CDH1: variants seen among roughly 807,000 people sequenced by gnomAD.
The protein encoded by CDH1 is cadherin-1.
CDH1 carries 35 observed loss-of-function variants against 84.5 expected under a neutral mutation model. That is an observed-to-expected ratio of 0.41 (90% CI 0.32 to 0.55). The LOEUF (loss-of-function observed/expected upper bound fraction) is 0.55. CDH1 is among the 20% of genes least tolerant of loss of function. CDH1 has a pLI of 0.19. For missense variants in CDH1, 994 were observed against 1,126.6 expected, an observed-to-expected ratio of 0.88 and a Z score of 1.68; for synonymous variants, 417 against 439.0, an observed-to-expected ratio of 0.95 and a Z score of 0.63.
rs3074434 is a variant in CDH1, at chr16:68,786,534, C to CTTTTTTTTTTTTTTTTTTT, written c.164-15135_164-15117dup. 6.8e-4 allele frequency among the ~76,000 whole-genome samples: 50 copies of CTTTTTTTTTTTTTTTTTTT among 73,938 alleles called. 1 individual carries two copies. The highest frequency in any genetic ancestry group is 1.1e-3 in the African/African-American group (19 of 16,948). The allele number at this position is 73,938 out of a possible 152,430, so 48.5% of individuals were successfully genotyped here. On this transcript the variant is annotated intron_variant, in intron 2 of 15. Coordinates refer to ENST00000261769, the MANE Select transcript of CDH1 (RefSeq NM_004360.5). ...CTTTCTGCTTTCTTTTTTTTTTTTT[C>CTTTTTTTTTTTTTTTTTTT]TTTTTTTTTTTTTTTTTTTGGTATT...
intron 2 of CDH1, among the ~76,000 whole-genome samples, chr16:68,780,512 C>A (rs1402766558): frequency 6.6e-6 from 1 of 152,082 alleles, no homozygotes; most frequent in African/African-American, 2.4e-5. Context: ...CCATGTTGGC[C>A]AGGCTGATTT....
chr16:68,741,093 TG>T (rs778243375), intron 2 of CDH1, among the ~76,000 whole-genome samples: 1 of 151,722 alleles, frequency 6.6e-6, no homozygotes, highest in Non-Finnish European at 1.5e-5. Flanking sequence ...CGGGGGACCC[TG>T]GGACTGGTGA....
chr16:68,762,868 G>T (rs1274124228), intron 2 of CDH1, among the ~76,000 whole-genome samples: 1 of 128,274 alleles, frequency 7.8e-6, no homozygotes, highest in African/African-American at 3.0e-5. Context: ...CCAAGAGTGA[G>T]CACCACTGCA....
intron 2 of CDH1, among the ~76,000 whole-genome samples, chr16:68,792,859 A>C (rs1301848047): frequency 6.6e-6 from 1 of 152,196 alleles, no homozygotes; most frequent in East Asian, 1.9e-4. Context: ...ATGGGGACAG[A>C]AGCCAAGGGG....
At chr16:68,810,176 A>G (rs1014221041) in intron 5 of CDH1, 21 bp from the exon 6 acceptor site, 4 of 1,613,796 alleles carry the variant, frequency 2.5e-6, no homozygotes, top group Non-Finnish European at 3.4e-6. Context: ...AGCTCAAGTC[A>G]CCCTCACTTG....
chr16:68,770,766 G>A (rs570664276), intron 2 of CDH1, among the ~76,000 whole-genome samples: 2 of 151,770 alleles, frequency 1.3e-5, no homozygotes, highest in South Asian at 4.2e-4. Context: ...GAGACAGGAA[G>A]GAGCGCAGTG....
rs2152132607 is a variant in CDH1 at position 68,812,194 on chromosome 16, C to T, written c.1068C>T (p.Ser356=). 1.2e-6 allele frequency: 2 copies of T among 1,614,124 alleles called. No homozygotes were observed. Among genetic ancestry groups the T allele is most frequent in the Non-Finnish European group, 1.7e-6 (2 of 1,179,978 alleles). ...QAADLQGEGL[S]TTATAVITVT... ...CTGACCTTCAAGGTGAGGGGTTAAG[C>T]ACAACAGCAACAGCTGTGATCACAG... The change falls in exon 8 of 16, where the codon AGC becomes AGT. Residue 356 remains serine (S), a synonymous_variant. Coordinates refer to ENST00000261769, the MANE Select transcript of CDH1 (RefSeq NM_004360.5).
At chr16:68,792,119 C>T (rs947315620) in intron 2 of CDH1, among the ~76,000 whole-genome samples, 1 of 151,980 alleles carries the variant, frequency 6.6e-6, no homozygotes, top group South Asian at 2.1e-4. Context: ...TTGGGTTTCA[C>T]CATGTTGGTC....
At position 68,819,283 on chromosome 16, in the gene CDH1, T is replaced by G. The variant is rs876659716; in HGVS notation, c.1569T>G (p.Tyr523Ter). 6.2e-7 allele frequency: 1 copy of G among 1,614,206 alleles called. No homozygotes were observed. The highest frequency in any genetic ancestry group is 1.3e-5 in the African/African-American group (1 of 75,062). ...GCCAGAGCTTGTCCCCGTTCAGATA[T>G]CGGATTTGGAGAGACACTGCCAACT... The part of the protein sequence containing the change: ...PDTFMEQKIT[Y>*]RIWRDTANWL... Residue 523 changes from tyrosine to a stop codon, truncating the protein, a stop_gained, in exon 11 of 16, where the codon TAT becomes TAG. Coordinates refer to ENST00000261769, the MANE Select transcript of CDH1 (RefSeq NM_004360.5). LOFTEE classifies it high-confidence loss of function.
intron 10 of CDH1, among the ~76,000 whole-genome samples, chr16:68,816,217 C>G (rs1044576579): frequency 6.6e-6 from 1 of 152,156 alleles, no homozygotes; most frequent in Non-Finnish European, 1.5e-5. Flanking sequence ...AAGGCTTCAC[C>G]ACATTGGCCA....
Position 68,737,568 on chromosome 16 carries a change from A to G in CDH1, c.48+105A>G, listed in dbSNP as rs62057828. On this transcript the variant is annotated intron_variant, in intron 1 of 15. Transcript: ENST00000261769. ...CGTCGTCACCGCTTCCCTTCTTCCA[A>G]GAAAGTTCGGGTCCTGAGGAGCGGA... 5,169 of 1,058,352 alleles carry G rather than the reference A, an allele frequency of 4.9e-3. 26 individuals carry two copies. Among genetic ancestry groups the G allele is most frequent in the Non-Finnish European group, 5.9e-3 (4,249 of 717,842 alleles). The allele number at this position is 1,058,352 out of a possible 1,614,324, so 65.6% of individuals were successfully genotyped here. A position where few individuals can be genotyped will look rare whatever the true frequency, so the allele number is the denominator to read the frequency against.
chr16:68,780,232 T>C (rs571801133), intron 2 of CDH1, among the ~76,000 whole-genome samples: 1 of 152,114 alleles, frequency 6.6e-6, no homozygotes, highest in African/African-American at 2.4e-5. Context: ...TTCATTGCCT[T>C]TGACATGGCA....
chr16:68,816,253 A>G (rs1279364328), intron 10 of CDH1, among the ~76,000 whole-genome samples: 2 of 152,174 alleles, frequency 1.3e-5, no homozygotes, highest in Admixed American at 1.3e-4. Flanking sequence ...TCTGACCTCA[A>G]GTGATCTGCC....
intron 13 of CDH1, among the ~76,000 whole-genome samples, chr16:68,826,069 C>G (rs1293038638): frequency 6.6e-6 from 1 of 152,118 alleles, no homozygotes; most frequent in African/African-American, 2.4e-5. Flanking sequence ...GTCCTCCCAC[C>G]TTGGCCTTCC....
At position 68,823,535 on chromosome 16, in the gene CDH1, C is replaced by T. The variant is rs536104508; in HGVS notation, c.2073C>T (p.Ala691=). Residue 691 remains alanine, a synonymous_variant, in exon 13 of 16, where the codon GCC becomes GCT. Transcript: ENST00000261769. ...TCAGCGTGTGTGACTGTGAAGGGGC[C>T]GCTGGCGTCTGTAGGAAGGCACAGC... ...LEVSVCDCEG[A]AGVCRKAQPV... is the part of the protein sequence containing the mutation. The T allele has an allele frequency of 8.7e-6, 14 of 1,613,916 alleles. No individual in the cohort carries two copies. The highest frequency in any genetic ancestry group is 6.7e-5 in the East Asian group (3 of 44,882).
At chr16:68,825,075 C>T (rs556309341) in intron 13 of CDH1, among the ~76,000 whole-genome samples, 154 of 150,408 alleles carry the variant, frequency 1.0e-3, no homozygotes, top group African/African-American at 3.6e-3. Context: ...GCAAGACTGT[C>T]TCTACAAAAT....
rs140096520 is a variant in CDH1 at position 68,780,566 on chromosome 16, C to T, written c.164-21104C>T. ...CGACCTCCCAAAGTGCTTGGGATTACGGGCTTCGGCCACCATGCCCAGCAC... is the reference window on the plus strand; with the variant it reads ...CGACCTCCCAAAGTGCTTGGGATTATGGGCTTCGGCCACCATGCCCAGCAC... On this transcript the variant is annotated intron_variant, in intron 2 of 15. Coordinates refer to ENST00000261769, the MANE Select transcript of CDH1 (RefSeq NM_004360.5). 1.6e-3 allele frequency among the ~76,000 whole-genome samples: 245 copies of T among 152,290 alleles called. 4 individuals are homozygous for T. The highest frequency in any genetic ancestry group is 6.6e-4 in the Non-Finnish European group (45 of 68,032).
At position 68,834,302 on chromosome 16, in the gene CDH1, C is replaced by A. The variant is rs1292906061; in HGVS notation, c.*803C>A. ...TTTAAGAGACAGTTTCGCTCCATCG[C>A]CCAGGCCTGGGATGCAGTGATGTGA... On this transcript the variant is annotated 3_prime_UTR_variant, in exon 16 of 16. Transcript: ENST00000261769. The A allele has an allele frequency of 3.9e-6, 2 of 510,998 alleles. No homozygotes were observed. Among genetic ancestry groups the A allele is most frequent in the South Asian group, 1.5e-5 (1 of 64,754 alleles). The allele number at this position is 510,998 out of a possible 1,614,324, so 31.7% of individuals were successfully genotyped here.
chr16:68,774,331 C>A (rs1323929748), intron 2 of CDH1, among the ~76,000 whole-genome samples: 1 of 152,188 alleles, frequency 6.6e-6, no homozygotes, highest in Admixed American at 6.5e-5. Flanking sequence ...TTGAGCCTGG[C>A]CCACATGGTG....
Sources: gnomAD v4.1 joint callset for allele counts (sites outside exome capture counted in the v4.1 genomes callset) on GRCh38, gnomAD v4.1.1 for gene constraint, MANE v1.5 for transcripts, NCBI Gene and HGNC (gene_info 2026-07-23, HGNC 2026-07-21) for gene names.